The following CTBP2 variants were observed in gnomAD, a reference collection of about 807,000 sequenced individuals.
The protein encoded by CTBP2 is C-terminal-binding protein 2.
CTBP2 carries 30 observed loss-of-function variants against 80.3 expected under a neutral mutation model. The ratio of observed to expected loss-of-function variants is 0.37; its 90% CI spans 0.28 to 0.51. CTBP2 has a LOEUF of 0.51. Among genes scored for constraint, CTBP2 ranks in the 20% least tolerant of loss-of-function variants. The pLI, the probability that CTBP2 is intolerant of heterozygous loss-of-function variation, is 0.93. For synonymous variants in CTBP2, 594 were observed against 587.4 expected (o/e 1.01, Z -0.16); for missense variants, 1,212 against 1,375.3 (o/e 0.88, Z 1.88).
rs76130042 is a variant in CTBP2, at chr10:125,050,257, G to A, written c.-101-11102C>T. On this transcript the variant is annotated intron_variant, in intron 2 of 10. Coordinates refer to the CTBP2 transcript ENST00000337195. Reference sequence around the variant, plus strand: ...GGTACCCTGTCTCCTGCGACAGGTCGTGGAAATGATATGTAGAAATCAGAC... The same window carrying A: ...GGTACCCTGTCTCCTGCGACAGGTCATGGAAATGATATGTAGAAATCAGAC... 7.2e-3 allele frequency among the ~76,000 whole-genome samples: 1,094 copies of A among 152,300 alleles called. 19 individuals carry two copies. Among genetic ancestry groups the A allele is most frequent in the African/African-American group, 0.025 (1,048 of 41,544 alleles).
At chr10:125,078,875 T>C (rs1846714549) in intron 2 of CTBP2, among the ~76,000 whole-genome samples, 1 of 151,728 alleles carries the variant, frequency 6.6e-6, no homozygotes, top group Admixed American at 6.6e-5. Context: ...CGGTGGCTCG[T>C]GCTTGTAATC....
chr10:124,986,946 T>G lies in CTBP2; in HGVS notation c.*2572A>C, dbSNP rs1952061219. The G allele has an allele frequency of 6.6e-6, 1 of 152,216 alleles. No homozygotes were observed. The highest frequency in any genetic ancestry group is 2.1e-4 in the South Asian group (1 of 4,822). 9.4% of individuals were successfully genotyped at this position (152,216 alleles called of 1,614,324 possible). On this transcript the variant is annotated 3_prime_UTR_variant, in exon 9 of 9. Transcript: ENST00000309035. ...CTGTGTGTTGTGGTCTGGTGAGTGT[T>G]GTTTCCCCTGAGCGCTCTATTATTT... is the stretch of plus-strand genomic sequence containing the variant.
intron 1 of CTBP2, among the ~76,000 whole-genome samples, chr10:125,139,827 T>C (rs1167330031): frequency 6.6e-6 from 1 of 152,180 alleles, no homozygotes; most frequent in Non-Finnish European, 1.5e-5. Context: ...GCGACCCTAC[T>C]GTGCTCACAG....
intron 2 of CTBP2, among the ~76,000 whole-genome samples, chr10:125,078,097 G>T (rs1057361849): frequency 6.6e-6 from 1 of 152,108 alleles, no homozygotes. Context: ...TGGCTAACAC[G>T]GTGAAACCCC....
At position 125,016,653 on chromosome 10, in the gene CTBP2, C is replaced by T. The variant is rs554847075; in HGVS notation, c.1678+9429G>A. Among the ~76,000 whole-genome samples the T allele has an allele frequency of 1.2e-4, 19 of 152,370 alleles. No homozygotes were observed. In the South Asian group the frequency reaches 3.7e-3, roughly 30 times the overall value. ...TAAAACCCAAGAGGAAAGTGATCCGCGAGGACTGCTGTCCGGCAGGCCAAG... is the reference window on the plus strand; with the variant it reads ...TAAAACCCAAGAGGAAAGTGATCCGTGAGGACTGCTGTCCGGCAGGCCAAG... On this transcript the variant is annotated intron_variant, in intron 1 of 8. Coordinates refer to ENST00000309035, the MANE Select transcript of CTBP2 (RefSeq NM_022802.3).
rs140172457 is a variant in CTBP2 at position 125,120,097 on chromosome 10, T to C, written c.-205-9004A>G. On this transcript the variant is annotated intron_variant, in intron 1 of 10. Transcript: ENST00000337195. ...AATAGCCAATCAACCTGGGAGAGAATTGGTGGGCTGGAGAGACACAGCGAG... is the reference window on the plus strand; with the variant it reads ...AATAGCCAATCAACCTGGGAGAGAACTGGTGGGCTGGAGAGACACAGCGAG... 3.8e-3 allele frequency among the ~76,000 whole-genome samples: 578 copies of C among 152,272 alleles called. 5 individuals are homozygous for C. Among genetic ancestry groups the C allele is most frequent in the African/African-American group, 0.013 (561 of 41,558 alleles).
At chr10:125,152,962 C>A (rs1442153434) in intron 1 of CTBP2, among the ~76,000 whole-genome samples, 1 of 152,218 alleles carries the variant, frequency 6.6e-6, no homozygotes, top group Non-Finnish European at 1.5e-5. Flanking sequence ...CTCCCCAGCT[C>A]ATTAGGAGGT....
intron 8 of CTBP2, among the ~76,000 whole-genome samples, chr10:124,990,273 G>A (rs560537119): frequency 5.8e-4 from 88 of 152,046 alleles, no homozygotes; most frequent in African/African-American, 2.0e-3. Flanking sequence ...TCAATCTCCC[G>A]ACCTCGTGAT....
At chr10:125,095,288 G>A (rs1849378907) in intron 2 of CTBP2, among the ~76,000 whole-genome samples, 1 of 152,184 alleles carries the variant, frequency 6.6e-6, no homozygotes, top group African/African-American at 2.4e-5. Context: ...AGAAAGCCAA[G>A]GTCAATGCCT....
At chr10:125,005,616 C>A in intron 1 of CTBP2, 1 of 1,612,904 alleles carries the variant, frequency 6.2e-7, no homozygotes, top group Non-Finnish European at 8.5e-7. Flanking sequence ...AGCTCATCCG[C>A]GAGATCCGCA....
At chr10:125,026,047 G>A in intron 1 of CTBP2, 1 of 1,534,496 alleles carries the variant, frequency 6.5e-7, no homozygotes, top group Non-Finnish European at 8.8e-7. Flanking sequence ...CTCCCCCCAG[G>A]TCCCCAGGCA....
intron 2 of CTBP2, among the ~76,000 whole-genome samples, chr10:125,094,152 C>T (rs987783980): frequency 3.9e-5 from 6 of 152,252 alleles, no homozygotes; most frequent in East Asian, 3.9e-4. Context: ...GGAAAGCAGG[C>T]GGTAAGTTAC....
chr10:125,089,941 C>T (rs1256191138), intron 2 of CTBP2, among the ~76,000 whole-genome samples: 1 of 152,096 alleles, frequency 6.6e-6, no homozygotes, highest in Non-Finnish European at 1.5e-5. Context: ...GGAACACTTC[C>T]GACTAGGCTG....
chr10:125,005,317 C>T (rs562766391), intron 1 of CTBP2, among the ~76,000 whole-genome samples: 15 of 152,340 alleles, frequency 9.8e-5, no homozygotes, highest in East Asian at 1.9e-4. Flanking sequence ...CTGCCACCCC[C>T]GGCTGGGAGA....
intron 1 of CTBP2, among the ~76,000 whole-genome samples, chr10:125,121,433 C>G (rs1244066692): frequency 6.6e-6 from 1 of 152,194 alleles, no homozygotes; most frequent in Non-Finnish European, 1.5e-5. Flanking sequence ...TGAACCCAAA[C>G]CTCAAGGTTG....
intron 1 of CTBP2, among the ~76,000 whole-genome samples, chr10:125,153,376 G>C (rs1860348899): frequency 6.6e-6 from 1 of 152,156 alleles, no homozygotes; most frequent in Non-Finnish European, 1.5e-5. Flanking sequence ...CCGTTCCCTT[G>C]GTCTCCCTGG....
At chr10:124,992,551 C>T in intron 8 of CTBP2, 144 bp downstream of exon 10, 2 of 597,634 alleles carry the variant, frequency 3.3e-6, no homozygotes, top group Non-Finnish European at 6.1e-6. Context: ...GGGCGGTGTA[C>T]ACAGTTCCTG....
At chr10:125,054,346 C>T (rs1376712821) in intron 2 of CTBP2, among the ~76,000 whole-genome samples, 1 of 152,150 alleles carries the variant, frequency 6.6e-6, no homozygotes, top group East Asian at 1.9e-4. Flanking sequence ...CCCATCTTCC[C>T]TGCCAACTTC....
intron 3 of CTBP2, 101 bp from the exon 6 acceptor site, chr10:124,998,271 C>G: frequency 3.0e-6 from 4 of 1,324,006 alleles, no homozygotes; most frequent in Non-Finnish European, 4.2e-6. Context: ...GTTGTTGGCA[C>G]CGGGGGAGGC....
Sources: allele counts gnomAD v4.1 joint callset (sites outside exome capture counted in the v4.1 genomes callset), GRCh38; gene constraint gnomAD v4.1.1; transcripts MANE v1.5; gene names NCBI Gene and HGNC (gene_info 2026-07-23, HGNC 2026-07-21).